FHIT: variants seen among roughly 807,000 people sequenced by gnomAD.
The protein encoded by FHIT is bis(5'-adenosyl)-triphosphatase.
Under a neutral mutation model 17.9 loss-of-function variants are expected in FHIT, and 19 were observed. That is an observed-to-expected ratio of 1.06 (90% CI 0.74 to 1.56). The LOEUF is 1.56. FHIT is among the 40% of genes most tolerant of loss of function. The probability of loss-of-function intolerance (pLI) is 0.00; values close to 1 mark genes in which losing one functional copy is unlikely to be tolerated. For synonymous variants in FHIT, 81 were observed against 69.7 expected, an observed-to-expected ratio of 1.16 and a Z score of -0.81; for missense variants, 248 against 189.2, an observed-to-expected ratio of 1.31 and a Z score of -1.82.
At chr3:60,479,609 CT>C (rs780471342) in intron 5 of FHIT, among the ~76,000 whole-genome samples, 7 of 152,194 alleles carry the variant, frequency 4.6e-5, no homozygotes, top group East Asian at 1.9e-4. Context: ...CCCCAACCCC[CT>C]GGCTGCAGAT....
intron 3 of FHIT, among the ~76,000 whole-genome samples, chr3:60,848,028 C>T (rs907291289): frequency 6.6e-6 from 1 of 152,120 alleles, no homozygotes; most frequent in Non-Finnish European, 1.5e-5. Flanking sequence ...TGCTGCATAC[C>T]ATCACAAATT....
chr3:60,148,367 A>T (rs55858485), intron 5 of FHIT, among the ~76,000 whole-genome samples: 19,903 of 152,144 alleles, frequency 0.13, 2,087 homozygotes, highest in African/African-American at 0.29. Context: ...TAGGGAAAAT[A>T]ACCATTTTCT....
chr3:60,050,582 A>G (rs1298568073), intron 5 of FHIT, among the ~76,000 whole-genome samples: 1 of 144,356 alleles, frequency 6.9e-6, no homozygotes. Flanking sequence ...CCAGACCTCT[A>G]CTGCAAGCCC....
intron 5 of FHIT, among the ~76,000 whole-genome samples, chr3:60,206,830 A>G (rs976464597): frequency 1.3e-5 from 2 of 152,124 alleles, no homozygotes; most frequent in East Asian, 3.9e-4. Context: ...ACGTACTTTT[A>G]TTAATTTAAT....
At chr3:60,611,290 T>C (rs1553673482) in intron 4 of FHIT, among the ~76,000 whole-genome samples, 1 of 152,200 alleles carries the variant, frequency 6.6e-6, no homozygotes, top group Non-Finnish European at 1.5e-5. Context: ...GATTTGCCTT[T>C]TAACAAAACA....
intron 5 of FHIT, among the ~76,000 whole-genome samples, chr3:60,111,312 A>C (rs79548867): frequency 1.3e-5 from 2 of 152,184 alleles, no homozygotes; most frequent in African/African-American, 4.8e-5. Context: ...TAAATCTGGA[A>C]TGAGTAAAAA....
At chr3:60,164,926 A>G (rs1397738964) in intron 5 of FHIT, among the ~76,000 whole-genome samples, 1 of 152,206 alleles carries the variant, frequency 6.6e-6, no homozygotes, top group East Asian at 1.9e-4. Flanking sequence ...TTTCCAGGAC[A>G]GATAACCCAG....
chr3:60,695,647 C>T (rs995556666), intron 4 of FHIT, among the ~76,000 whole-genome samples: 8 of 152,052 alleles, frequency 5.3e-5, no homozygotes, highest in African/African-American at 1.9e-4. Context: ...TAGCAGAGTG[C>T]CTAATCCCTA....
chr3:60,913,631 A>G (rs1553766439), intron 3 of FHIT, among the ~76,000 whole-genome samples: 1 of 152,204 alleles, frequency 6.6e-6, no homozygotes, highest in Admixed American at 6.5e-5. Context: ...TTAAACAACA[A>G]TTTATTTGTC....
chr3:61,020,378 G>T (rs1203031643), intron 3 of FHIT, among the ~76,000 whole-genome samples: 1 of 152,008 alleles, frequency 6.6e-6, no homozygotes, highest in Admixed American at 6.6e-5. Context: ...CACTTTTTAT[G>T]GGGTTGTTTG....
chr3:60,379,216 T>C (rs2107103641), intron 5 of FHIT, among the ~76,000 whole-genome samples: 1 of 152,330 alleles, frequency 6.6e-6, no homozygotes, highest in East Asian at 1.9e-4. Flanking sequence ...TGAGGCCATA[T>C]GAAATAGATT....
At chr3:60,987,472 T>C (rs1160102966) in intron 3 of FHIT, among the ~76,000 whole-genome samples, 2 of 152,214 alleles carry the variant, frequency 1.3e-5, no homozygotes, top group Non-Finnish European at 2.9e-5. Flanking sequence ...CCCAACCTAT[T>C]CCTTTAATTC....
chr3:60,649,467 C>A (rs2039941644), intron 4 of FHIT, among the ~76,000 whole-genome samples: 1 of 152,136 alleles, frequency 6.6e-6, no homozygotes, highest in African/African-American at 2.4e-5. Context: ...AAGTTGCACA[C>A]AAACTAGAAG....
intron 5 of FHIT, among the ~76,000 whole-genome samples, chr3:60,512,476 C>A (rs1010749367): frequency 2.6e-5 from 4 of 152,218 alleles, no homozygotes; most frequent in Non-Finnish European, 5.9e-5. Context: ...CTGAACTCGA[C>A]CAGCATAGTT....
At chr3:60,153,778 G>A (rs1307881983) in intron 5 of FHIT, among the ~76,000 whole-genome samples, 1 of 152,098 alleles carries the variant, frequency 6.6e-6, no homozygotes, top group African/African-American at 2.4e-5. Flanking sequence ...AATAACTATG[G>A]TTGCTTTTGG....
At position 60,383,180 on chromosome 3, in the gene FHIT, C is replaced by T. The variant is rs114468856; in HGVS notation, c.103+153680G>A. Among the ~76,000 whole-genome samples, 962 of 152,270 alleles carry T rather than the reference C, an allele frequency of 6.3e-3. 16 individuals carry two copies. The highest frequency in any genetic ancestry group is 0.022 in the African/African-American group (926 of 41,544). ...GTAGGGAATGGGAGTTTCTTTTGCG[C>T]TTACTTGCCAGTGACTTCCTAAAGC... is the stretch of plus-strand genomic sequence containing the variant. On this transcript the variant is annotated intron_variant, in intron 5 of 9. Transcript: ENST00000492590.
chr3:61,207,428 A>G (rs377288844), intron 1 of FHIT, among the ~76,000 whole-genome samples: 153 of 152,240 alleles, frequency 1.0e-3, no homozygotes, highest in Non-Finnish European at 9.4e-4. Context: ...GGTAGAATTC[A>G]GCTGTGAATC....
chr3:59,976,731 T>G (rs76833889), intron 7 of FHIT, among the ~76,000 whole-genome samples: 2,399 of 152,212 alleles, frequency 0.016, 62 homozygotes, highest in African/African-American at 0.055. Context: ...CTAGAAATAC[T>G]TACAAGGGAG....
intron 7 of FHIT, among the ~76,000 whole-genome samples, chr3:59,995,363 C>A (rs9828114): frequency 6.6e-6 from 1 of 152,066 alleles, no homozygotes; most frequent in African/African-American, 2.4e-5. Context: ...TTTCACCTCT[C>A]AAGTGTCTTA....
Sources: allele counts gnomAD v4.1 joint callset (sites outside exome capture counted in the v4.1 genomes callset), GRCh38; gene constraint gnomAD v4.1.1; transcripts MANE v1.5; gene names NCBI Gene and HGNC (gene_info 2026-07-23, HGNC 2026-07-21).